ETS1: variants seen among roughly 807,000 people sequenced by gnomAD.
The protein encoded by ETS1 is protein C-ets-1.
A neutral mutation model predicts 58.6 loss-of-function variants in ETS1; 15 were observed. The ratio of observed to expected loss-of-function variants is 0.26; its 90% CI spans 0.17 to 0.39. The LOEUF is 0.39. Among genes scored for constraint, ETS1 ranks in the 10% least tolerant of loss-of-function variants. The pLI, the probability that ETS1 is intolerant of heterozygous loss-of-function variation, is 1.00. For synonymous variants in ETS1, 214 were observed against 218.2 expected (o/e 0.98, Z 0.17); for missense variants, 417 against 610.5 (o/e 0.68, Z 3.34).
At chr11:128,522,601 G>A (rs1863717452) in intron 3 of ETS1, among the ~76,000 whole-genome samples, 1 of 152,188 alleles carries the variant, frequency 6.6e-6, no homozygotes, top group Non-Finnish European at 1.5e-5. Context: ...AGCCCAGGCA[G>A]GGGCGGGAAG....
intron 3 of ETS1, among the ~76,000 whole-genome samples, chr11:128,537,714 C>G (rs1355922751): frequency 4.6e-5 from 7 of 151,910 alleles, no homozygotes; most frequent in African/African-American, 1.7e-4. Flanking sequence ...TTTTTTTTTA[C>G]CACTTATACG....
intron 3 of ETS1, among the ~76,000 whole-genome samples, chr11:128,497,926 C>T (rs184948493): frequency 8.4e-4 from 128 of 152,288 alleles, no homozygotes; most frequent in African/African-American, 2.9e-3. Context: ...TAAATTTTCT[C>T]GCTCATTCCT....
At chr11:128,501,775 C>T (rs1268719757) in intron 3 of ETS1, among the ~76,000 whole-genome samples, 3 of 152,220 alleles carry the variant, frequency 2.0e-5, no homozygotes, top group African/African-American at 4.8e-5. Context: ...ATTAGATCCA[C>T]ATATCTTTGT....
intron 3 of ETS1, among the ~76,000 whole-genome samples, chr11:128,504,733 AGTGG>A: frequency 6.6e-6 from 1 of 152,190 alleles, no homozygotes; most frequent in Non-Finnish European, 1.5e-5. Context: ...TACTTACAAC[AGTGG>A]ACTGGGAGGG....
At chr11:128,576,724 C>T (rs1864757631) in intron 1 of ETS1, among the ~76,000 whole-genome samples, 1 of 151,836 alleles carries the variant, frequency 6.6e-6, no homozygotes, top group Non-Finnish European at 1.5e-5. Context: ...CTCGCCGTGA[C>T]CCCTGCACCC....
Position 128,462,370 on chromosome 11 carries a change from G to A in ETS1, c.1449C>T (p.Ala483=), listed in dbSNP as rs776761991. 3.0e-5 allele frequency: 48 copies of A among 1,611,928 alleles called. No individual in the cohort carries two copies. In the East Asian group the frequency reaches 3.3e-4, roughly 11 times the overall value. The change falls in exon 10 of 10, where the codon GCC becomes GCT. Residue 483 remains alanine (A), a synonymous_variant. Transcript: ENST00000392668. The part of the protein sequence containing the change: ...LHAMLDVKPD[A]DE ...AGCCCCTTCAGTGCCATCACTCGTC[G>A]GCATCTGGCTTGACGTCCAGCATGG...
Position 128,573,161 on chromosome 11 carries a change from G to A in ETS1, c.-14-17C>T, listed in dbSNP as rs375335667. Reference sequence around the variant, plus strand: ...TCTCAGCACCTGTGTGAGAGAAGGCGTTGGCTGAGCCTCTGGATGCTCACA... The same window carrying A: ...TCTCAGCACCTGTGTGAGAGAAGGCATTGGCTGAGCCTCTGGATGCTCACA... On this transcript the variant is annotated splice_polypyrimidine_tract_variant and intron_variant, in intron 1 of 9. Coordinates refer to ENST00000392668, the MANE Select transcript of ETS1 (RefSeq NM_001143820.2). 105 of 1,537,170 alleles carry A rather than the reference G, an allele frequency of 6.8e-5. 2 individuals are homozygous for A. Among genetic ancestry groups the A allele is most frequent in the South Asian group, 4.5e-4 (38 of 84,252 alleles).
At chr11:128,472,276 C>A (rs1210680026) in intron 8 of ETS1, among the ~76,000 whole-genome samples, 1 of 152,222 alleles carries the variant, frequency 6.6e-6, no homozygotes, top group Non-Finnish European at 1.5e-5. Context: ...GCATCTCCAA[C>A]AAAGCAAGTC....
chr11:128,564,431 T>G (rs1207643272), intron 2 of ETS1, among the ~76,000 whole-genome samples: 2 of 152,058 alleles, frequency 1.3e-5, no homozygotes, highest in Non-Finnish European at 2.9e-5. Flanking sequence ...GAGAAGGGGA[T>G]GTCTAATTAT....
chr11:128,503,991 C>G (rs1433651096), intron 3 of ETS1, among the ~76,000 whole-genome samples: 4 of 152,114 alleles, frequency 2.6e-5, no homozygotes, highest in Non-Finnish European at 5.9e-5. Flanking sequence ...AATTCAGGCC[C>G]CACACAGTGC....
intron 3 of ETS1, chr11:128,526,636 C>G (rs1309250204): frequency 3.4e-6 from 1 of 292,790 alleles, no homozygotes; most frequent in Non-Finnish European, 6.7e-6. Flanking sequence ...TCTTCAAGAC[C>G]CTTCCTCAGT....
chr11:128,535,595 C>T (rs1829736809), intron 3 of ETS1, among the ~76,000 whole-genome samples: 2 of 152,160 alleles, frequency 1.3e-5, no homozygotes, highest in Admixed American at 6.5e-5. Flanking sequence ...TTGAACTCTG[C>T]CAAATCCCAA....
At chr11:128,548,329 C>T (rs1864169895) in intron 3 of ETS1, among the ~76,000 whole-genome samples, 1 of 150,902 alleles carries the variant, frequency 6.6e-6, no homozygotes, top group East Asian at 1.9e-4. Flanking sequence ...ACATTCAATA[C>T]GTTTTTTTTT....
intron 3 of ETS1, among the ~76,000 whole-genome samples, chr11:128,511,807 G>A (rs1390656622): frequency 3.9e-5 from 6 of 152,176 alleles, no homozygotes; most frequent in Non-Finnish European, 8.8e-5. Flanking sequence ...CAGGGGATTT[G>A]GAGAAACTGA....
chr11:128,516,026 G>A (rs1863514593), intron 3 of ETS1, among the ~76,000 whole-genome samples: 1 of 152,162 alleles, frequency 6.6e-6, no homozygotes, highest in Non-Finnish European at 1.5e-5. Flanking sequence ...GTTAAGCATG[G>A]CTCTCTGCCA....
chr11:128,571,874 C>T (rs1042265422), intron 2 of ETS1: 1 of 152,082 alleles, frequency 6.6e-6, no homozygotes, highest in African/African-American at 2.4e-5. Flanking sequence ...GAAACTCTGT[C>T]TCTACTAAAA....
At chr11:128,553,083 G>A (rs1864257630) in intron 3 of ETS1, among the ~76,000 whole-genome samples, 1 of 152,184 alleles carries the variant, frequency 6.6e-6, no homozygotes, top group South Asian at 2.1e-4. Context: ...TCTTGTGTAA[G>A]AGGCTCCATT....
chr11:128,521,799 C>G (rs533222050), intron 3 of ETS1: 3 of 761,260 alleles, frequency 3.9e-6, no homozygotes, highest in Admixed American at 2.8e-5. Flanking sequence ...CAGCATCCCC[C>G]GCTCCTGAAG....
chr11:128,517,737 G>C (rs1863562854), intron 3 of ETS1, among the ~76,000 whole-genome samples: 1 of 152,158 alleles, frequency 6.6e-6, no homozygotes, highest in Non-Finnish European at 1.5e-5. Context: ...ACACTAACCA[G>C]CTCTCAGTTT....
Sources: gnomAD v4.1 joint callset for allele counts (sites outside exome capture counted in the v4.1 genomes callset) on GRCh38, gnomAD v4.1.1 for gene constraint, MANE v1.5 for transcripts, NCBI Gene and HGNC (gene_info 2026-07-23, HGNC 2026-07-21) for gene names.